The following PROCA1 variants were observed in gnomAD, a reference collection of about 807,000 sequenced individuals.
PROCA1 encodes protein interacting with cyclin A1, also known as protein PROCA1.
A neutral mutation model predicts 23.2 loss-of-function variants in PROCA1; 22 were observed. That is an observed-to-expected ratio of 0.95 (90% CI 0.68 to 1.35). PROCA1 has a LOEUF of 1.35. Ranked by LOEUF, PROCA1 falls within the 40% of genes most tolerant of loss-of-function variation. The pLI is 0.00. For synonymous variants in PROCA1, 182 were observed against 179.2 expected, an observed-to-expected ratio of 1.02 and a Z score of -0.12; for missense variants, 469 against 459.8, an observed-to-expected ratio of 1.02 and a Z score of -0.18.
At position 28,703,655 on chromosome 17, in the gene PROCA1, TTC is replaced by T; in HGVS notation, c.996_997del (p.Asn333HisfsTer?). 6.2e-7 allele frequency: 1 copy of T among 1,614,172 alleles called. No homozygotes were observed. The highest frequency in any genetic ancestry group is 8.5e-7 in the Non-Finnish European group (1 of 1,180,038). ...CCCTGTCTTTTTGGCCTGGACTGTG[TTC>T]TCTCTCTTCCTGGGCGATGATGATT... On this transcript the variant is annotated frameshift_variant, in exon 5 of 5. Transcript: ENST00000682792. LOFTEE classifies it high-confidence loss of function.
chr17:28,705,833 C>T lies in PROCA1; in HGVS notation c.175+847G>A, dbSNP rs2151682130. ...CACGACAAAGGACAAGGGACCTTAC[C>T]TCGGATTCCCCAGCACTCCTAGGGG... On this transcript the variant is annotated intron_variant, in intron 2 of 4. Transcript: ENST00000682792. The T allele has an allele frequency of 1.3e-5, 2 of 152,558 alleles. 1 individual carries two copies. Among genetic ancestry groups the T allele is most frequent in the Admixed American group, 1.3e-4 (2 of 15,308 alleles). 9.5% of individuals were successfully genotyped at this position (152,558 alleles called of 1,614,324 possible). A position where few individuals can be genotyped will look rare whatever the true frequency, so the allele number is the denominator to read the frequency against.
chr17:28,704,595 G>A, intron 3 of PROCA1, 113 bp downstream of exon 3: 1 of 1,566,636 alleles, frequency 6.4e-7, no homozygotes, highest in Non-Finnish European at 8.6e-7. Context: ...GCTGGGACTG[G>A]GCTGGCAGCA....
In PROCA1 at chr17:28,704,139, GATC is replaced by G. The variant is rs751454508; in HGVS notation, c.511_513del (p.Asp171del). 2.2e-5 allele frequency: 35 copies of G among 1,559,070 alleles called. No individual in the cohort carries two copies. The highest frequency in any genetic ancestry group is 3.4e-4 in the Middle Eastern group (2 of 5,800). On this transcript the variant is annotated inframe_deletion, in exon 5 of 5. Coordinates refer to ENST00000682792, the MANE Select transcript of PROCA1 (RefSeq NM_001366301.1). ...TCCTCCTCTTCCTCTTCTTCATTTA[GATC>G]ATCTGCCCCACACTCATGGTAGAGT...
intron 1 of PROCA1, among the ~76,000 whole-genome samples, chr17:28,708,926 A>G (rs9902903): frequency 0.87 from 131,947 of 151,974 alleles, 57,588 homozygotes; most frequent in African/African-American, 0.95. Flanking sequence ...GCCCAGGGAG[A>G]TCGAGGCCGC....
chr17:28,706,316 C>T (rs926967565), intron 2 of PROCA1: 1 of 196,168 alleles, frequency 5.1e-6, no homozygotes, highest in African/African-American at 2.3e-5. Flanking sequence ...AAGCCCAAGT[C>T]GTGGGTCTGT....
chr17:28,704,121 C>T lies in PROCA1; in HGVS notation c.532G>A (p.Glu178Lys). Residue 178 changes from glutamate to lysine, a missense_variant, in exon 5 of 5, where the codon GAG (glutamate) becomes AAG (lysine). By Grantham distance (56) the Glu-to-Lys change is moderately conservative. Coordinates refer to ENST00000682792, the MANE Select transcript of PROCA1 (RefSeq NM_001366301.1). ...GGGGGCTTGCTTTCCTCCTCCTCCT[C>T]TTCCTCTTCTTCATTTAGATCATCT... ...GADDLNEEEE[E>K]EEEESKPPIP... 2 of 1,567,958 alleles carry T rather than the reference C, an allele frequency of 1.3e-6. No homozygotes were observed. Among genetic ancestry groups the T allele is most frequent in the Non-Finnish European group, 8.6e-7 (1 of 1,163,046 alleles).
chr17:28,704,591 A>G, intron 3 of PROCA1, 117 bp downstream of exon 3: 1 of 1,563,112 alleles, frequency 6.4e-7, no homozygotes, highest in Non-Finnish European at 8.6e-7. Context: ...CAGAGCTGGG[A>G]CTGGGCTGGC....
intron 2 of PROCA1, chr17:28,706,056 C>T (rs1038403873): frequency 1.3e-5 from 2 of 152,894 alleles, no homozygotes; most frequent in Non-Finnish European, 2.9e-5. Context: ...GAGGCTTACC[C>T]ACATTTCTTC....
At chr17:28,709,674 A>G (rs2032689529) in intron 1 of PROCA1, among the ~76,000 whole-genome samples, 1 of 151,910 alleles carries the variant, frequency 6.6e-6, no homozygotes, top group African/African-American at 2.4e-5. Context: ...GTCTTATAAA[A>G]TAAATCACGT....
At chr17:28,708,426 T>G (rs968359627) in intron 1 of PROCA1, among the ~76,000 whole-genome samples, 1 of 152,242 alleles carries the variant, frequency 6.6e-6, no homozygotes, top group Non-Finnish European at 1.5e-5. Flanking sequence ...CTGTCTCCTT[T>G]GCTGTCTCCT....
chr17:28,703,652 G>A lies in PROCA1; in HGVS notation c.1001C>T (p.Thr334Ile). The A allele has an allele frequency of 6.2e-7, 1 of 1,614,194 alleles. No individual in the cohort carries two copies. Among genetic ancestry groups the A allele is most frequent in the Non-Finnish European group, 8.5e-7 (1 of 1,180,034 alleles). Residue 334 changes from threonine to isoleucine, a missense_variant, in exon 5 of 5, where the codon ACA becomes ATA. By Grantham distance (89) the Thr-to-Ile change is moderately conservative (BLOSUM62 -1). Coordinates refer to ENST00000682792, the MANE Select transcript of PROCA1 (RefSeq NM_001366301.1). ...ESSSPRKREN[T>I]VQAKKTGAKP... ...TGCCCCTGTCTTTTTGGCCTGGACT[G>A]TGTTCTCTCTCTTCCTGGGCGATGA...
At chr17:28,710,916 A>AGGAG (rs2032748502) in intron 1 of PROCA1, 1 of 1,293,328 alleles carries the variant, frequency 7.7e-7, no homozygotes, top group Non-Finnish European at 1.0e-6. Flanking sequence ...TGCGGGGCCG[A>AGGAG]GGAGCTCTCC....
chr17:28,709,198 C>A (rs771957129), intron 1 of PROCA1, among the ~76,000 whole-genome samples: 1 of 152,208 alleles, frequency 6.6e-6, no homozygotes, highest in Admixed American at 6.5e-5. Context: ...TGGGGACACA[C>A]CCCTGTAAAC....
intron 1 of PROCA1, chr17:28,707,876 C>T (rs532106581): frequency 6.6e-6 from 1 of 152,466 alleles, no homozygotes; most frequent in African/African-American, 2.4e-5. Context: ...TTCTTCTCTT[C>T]CAGCCACCTG....
intron 1 of PROCA1, 84 bp downstream of exon 1, chr17:28,711,486 G>A (rs1272304726): frequency 6.8e-6 from 8 of 1,181,506 alleles, no homozygotes; most frequent in Non-Finnish European, 9.4e-6. Flanking sequence ...CTCCCTCGTC[G>A]GTTTGCCGGC....
Position 28,711,558 on chromosome 17 carries a change from CG to C in PROCA1, c.91+11del. On this transcript the variant is annotated intron_variant, in intron 1 of 4. Coordinates refer to ENST00000682792, the MANE Select transcript of PROCA1 (RefSeq NM_001366301.1). ...CGCGCCCTCTGCCCAGCCCCTGCCCCGCCCCTCTTACCGCGGCATCTGCTCT... is the reference window on the plus strand; with the variant it reads ...CGCGCCCTCTGCCCAGCCCCTGCCCCCCCCTCTTACCGCGGCATCTGCTCT... The C allele has an allele frequency of 6.2e-7, 1 of 1,604,940 alleles. No individual in the cohort carries two copies. The highest frequency in any genetic ancestry group is 8.5e-7 in the Non-Finnish European group (1 of 1,176,504).
rs572743535 is a variant in PROCA1, at chr17:28,704,015, G to A, written c.638C>T (p.Ala213Val). 38 of 1,611,146 alleles carry A rather than the reference G, an allele frequency of 2.4e-5. No individual in the cohort carries two copies. The highest frequency in any genetic ancestry group is 1.7e-4 in the Middle Eastern group (1 of 6,060). The change falls in exon 5 of 5, where the codon GCG (alanine) becomes GTG (valine). Residue 213 changes from alanine (A) to valine (V), a missense_variant. Transcript: ENST00000682792. Reference protein sequence around the residue: ...SMATGTPDSTAPITIWRSESP... With the variant: ...SMATGTPDSTVPITIWRSESP... ...CTCAGAGCGCCAGATGGTGATGGGCGCTGTGGAGTCAGGGGTACCAGTGGC... is the reference window on the plus strand; with the variant it reads ...CTCAGAGCGCCAGATGGTGATGGGCACTGTGGAGTCAGGGGTACCAGTGGC...
At chr17:28,708,472 A>G (rs1285074180) in intron 1 of PROCA1, among the ~76,000 whole-genome samples, 1 of 152,194 alleles carries the variant, frequency 6.6e-6, no homozygotes, top group Non-Finnish European at 1.5e-5. Context: ...GGTGATTACA[A>G]GAGTTCTGAC....
chr17:28,706,835 G>C, intron 1 of PROCA1, 72 bp from the exon 2 acceptor site: 12 of 1,288,676 alleles, frequency 9.3e-6, no homozygotes, highest in Non-Finnish European at 1.2e-5. Context: ...AACATACCCC[G>C]AGAAACTCCA....
Sources: allele counts gnomAD v4.1 joint callset (sites outside exome capture counted in the v4.1 genomes callset), GRCh38; gene constraint gnomAD v4.1.1; transcripts MANE v1.5; gene names NCBI Gene and HGNC (gene_info 2026-07-23, HGNC 2026-07-21).